PCDH9: variants seen among roughly 807,000 people sequenced by gnomAD.
PCDH9 encodes the protein protocadherin-9.
In PCDH9, 24 loss-of-function variants were observed where a neutral mutation model predicts 70.6. The observed-to-expected ratio is 0.34, with a 90% CI of 0.25 to 0.48. The LOEUF (loss-of-function observed/expected upper bound fraction) is 0.48, where lower values mean the gene tolerates loss of function less well. Ranked by LOEUF, PCDH9 falls within the 20% of genes least tolerant of loss-of-function variation. The probability of loss-of-function intolerance (pLI) is 0.99; values close to 1 mark genes in which losing one functional copy is unlikely to be tolerated. For missense variants in PCDH9, 1,281 were observed against 1,503.6 expected, an observed-to-expected ratio of 0.85 and a Z score of 2.45; for synonymous variants, 562 against 558.5, an observed-to-expected ratio of 1.01 and a Z score of -0.09.
At chr13:66,663,446 G>C (rs1446689661) in intron 3 of PCDH9, among the ~76,000 whole-genome samples, 1 of 152,056 alleles carries the variant, frequency 6.6e-6, no homozygotes, top group Non-Finnish European at 1.5e-5. Context: ...ATTATCTTTG[G>C]AGTCAATGAT....
intron 3 of PCDH9, among the ~76,000 whole-genome samples, chr13:66,775,915 C>T (rs1370025165): frequency 1.3e-5 from 2 of 151,982 alleles, no homozygotes; most frequent in African/African-American, 2.4e-5. Context: ...AAGCCTTTCC[C>T]GAACTCCCCT....
intron 2 of PCDH9, among the ~76,000 whole-genome samples, chr13:66,951,605 G>A (rs1566315160): frequency 6.6e-6 from 1 of 152,148 alleles, no homozygotes; most frequent in Non-Finnish European, 1.5e-5. Context: ...GAGTGTCTGA[G>A]CAAAATGTTC....
intron 3 of PCDH9, among the ~76,000 whole-genome samples, chr13:66,759,796 T>C (rs2079595054): frequency 6.6e-6 from 1 of 152,206 alleles, no homozygotes; most frequent in African/African-American, 2.4e-5. Context: ...TTAAATTGCA[T>C]GCCCTTTAAC....
intron 4 of PCDH9, among the ~76,000 whole-genome samples, chr13:66,467,335 G>A (rs1402543853): frequency 6.6e-6 from 1 of 152,058 alleles, no homozygotes; most frequent in Non-Finnish European, 1.5e-5. Flanking sequence ...ATAAAGACAA[G>A]ACTGCTCCCG....
At chr13:66,675,102 T>G (rs928711181) in intron 3 of PCDH9, among the ~76,000 whole-genome samples, 2 of 152,262 alleles carry the variant, frequency 1.3e-5, no homozygotes, top group East Asian at 1.9e-4. Context: ...ATTTAAAATT[T>G]TGATGCCTCA....
intron 3 of PCDH9, among the ~76,000 whole-genome samples, chr13:66,678,795 C>T (rs1844895647): frequency 6.6e-6 from 1 of 151,884 alleles, no homozygotes; most frequent in South Asian, 2.1e-4. Flanking sequence ...ATTCCCTACT[C>T]AGACTTCTGA....
chr13:66,522,629 T>C (rs570435438), intron 4 of PCDH9, among the ~76,000 whole-genome samples: 2 of 152,058 alleles, frequency 1.3e-5, no homozygotes, highest in East Asian at 1.9e-4. Flanking sequence ...GAGAGAGCCC[T>C]AAGTCCAATG....
intron 3 of PCDH9, among the ~76,000 whole-genome samples, chr13:66,780,744 C>T (rs1300284330): frequency 6.6e-6 from 1 of 151,808 alleles, no homozygotes; most frequent in Admixed American, 6.6e-5. Flanking sequence ...CTTAGGTCTC[C>T]TCCACAGTGG....
intron 4 of PCDH9, among the ~76,000 whole-genome samples, chr13:66,337,759 C>T (rs188017057): frequency 6.6e-6 from 1 of 151,952 alleles, no homozygotes; most frequent in African/African-American, 2.4e-5. Context: ...AGCCACTACA[C>T]AAAGTAAATA....
intron 4 of PCDH9, among the ~76,000 whole-genome samples, chr13:66,435,868 G>T (rs944290366): frequency 1.3e-5 from 2 of 152,092 alleles, no homozygotes; most frequent in South Asian, 2.1e-4. Flanking sequence ...ACTTGGAGAA[G>T]AAAGTTATTT....
intron 2 of PCDH9, among the ~76,000 whole-genome samples, chr13:67,079,143 T>G (rs538357165): frequency 2.6e-5 from 4 of 151,918 alleles, no homozygotes; most frequent in Non-Finnish European, 5.9e-5. Context: ...GTGTGTAATA[T>G]AATTACTATG....
chr13:66,561,462 C>T (rs1374454169), intron 4 of PCDH9, among the ~76,000 whole-genome samples: 3 of 152,190 alleles, frequency 2.0e-5, no homozygotes, highest in Non-Finnish European at 4.4e-5. Flanking sequence ...GTGTGGGATC[C>T]ACTGGGTGAA....
At chr13:66,476,979 T>C (rs1958741875) in intron 4 of PCDH9, among the ~76,000 whole-genome samples, 3 of 152,100 alleles carry the variant, frequency 2.0e-5, no homozygotes, top group Admixed American at 6.6e-5. Context: ...TTAACTCTCC[T>C]AAGTTTTTAT....
At chr13:66,573,628 GT>G (rs2076767540) in intron 4 of PCDH9, among the ~76,000 whole-genome samples, 1 of 152,134 alleles carries the variant, frequency 6.6e-6, no homozygotes, top group African/African-American at 2.4e-5. Context: ...CGTTAAGACA[GT>G]CCATTTGCAA....
intron 3 of PCDH9, among the ~76,000 whole-genome samples, chr13:66,635,615 T>C (rs1285664264): frequency 6.6e-6 from 1 of 152,062 alleles, no homozygotes; most frequent in Non-Finnish European, 1.5e-5. Flanking sequence ...ACATTCGAGA[T>C]GCCTAATGAA....
intron 2 of PCDH9, chr13:67,204,891 C>T (rs1009703763): frequency 3.3e-5 from 5 of 152,056 alleles, no homozygotes; most frequent in Non-Finnish European, 5.9e-5. Context: ...AGACTGTAAA[C>T]CTATAGTGAA....
intron 3 of PCDH9, among the ~76,000 whole-genome samples, chr13:66,756,006 T>G (rs891957646): frequency 2.0e-5 from 3 of 152,088 alleles, no homozygotes; most frequent in African/African-American, 7.2e-5. Context: ...GCCCAGTAAT[T>G]GTGGTCAAAT....
chr13:67,074,072 CTGTT>C (rs767367213), intron 2 of PCDH9, among the ~76,000 whole-genome samples: 1,725 of 146,534 alleles, frequency 0.012, 15 homozygotes, highest in Middle Eastern at 0.036. Context: ...ATCTATCTAT[CTGTT>C]TATTATCTAT....
In PCDH9 at chr13:66,304,716, T is replaced by G; in HGVS notation, c.3653A>C (p.Asn1218Thr). 6.2e-7 allele frequency: 1 copy of G among 1,613,384 alleles called. No homozygotes were observed. The highest frequency in any genetic ancestry group is 8.5e-7 in the Non-Finnish European group (1 of 1,179,590). ...GSHMTDIPLA[N>T]LKSYKQAGGA... ...TCCTGCTTGCTTATAAGACTTCAGA[T>G]TTGCCAGAGGAATGTCTGTCATGTG... is the stretch of plus-strand genomic sequence containing the variant. The change falls in exon 5 of 5, where the codon AAT becomes ACT. Residue 1218 changes from asparagine to threonine, a missense_variant. Around this residue, in one of 4 missense-constraint regions of PCDH9, gnomAD observed 264 missense variants for 278.8 expected, o/e 0.95. Transcript: ENST00000377865.
Sources: gnomAD v4.1 joint callset for allele counts (sites outside exome capture counted in the v4.1 genomes callset) on GRCh38, gnomAD v4.1.1 for gene constraint, gnomAD v4.1.1 regional missense constraint, MANE v1.5 for transcripts, NCBI Gene and HGNC (gene_info 2026-07-23, HGNC 2026-07-21) for gene names.